The following RBFOX1 variants were observed in gnomAD, a reference collection of about 807,000 sequenced individuals.
The protein encoded by RBFOX1 is RNA binding fox-1 homolog 1.
In RBFOX1, 8 loss-of-function variants were observed where a neutral mutation model predicts 57.7. The ratio of observed to expected loss-of-function variants is 0.14; its 90% confidence interval spans 0.08 to 0.25. The LOEUF is 0.25. RBFOX1 is among the 10% of genes least tolerant of loss of function. The pLI, the probability that RBFOX1 is intolerant of heterozygous loss-of-function variation, is 1.00. For synonymous variants in RBFOX1, 326 were observed against 222.4 expected, an observed-to-expected ratio of 1.47 and a Z score of -4.15; for missense variants, 611 against 548.5, an observed-to-expected ratio of 1.11 and a Z score of -1.14.
intron 3 of RBFOX1, among the ~76,000 whole-genome samples, chr16:6,690,677 C>T (rs533475176): frequency 2.6e-5 from 4 of 151,808 alleles, no homozygotes; most frequent in African/African-American, 9.7e-5. Flanking sequence ...GATTATAGTA[C>T]AGTAGGAAGT....
intron 4 of RBFOX1, among the ~76,000 whole-genome samples, chr16:7,293,978 A>G (rs1256769367): frequency 6.6e-6 from 1 of 152,140 alleles, no homozygotes; most frequent in African/African-American, 2.4e-5. Flanking sequence ...GAAATGCTTA[A>G]TGACAACTCA....
At chr16:6,483,742 T>C in intron 2 of RBFOX1, 2 of 1,423,556 alleles carry the variant, frequency 1.4e-6, no homozygotes. Context: ...TGGCTGCCTG[T>C]GGCAGAGGAG....
At chr16:6,157,951 A>G (rs962803609) in intron 1 of RBFOX1, among the ~76,000 whole-genome samples, 2 of 152,170 alleles carry the variant, frequency 1.3e-5, no homozygotes, top group African/African-American at 2.4e-5. Context: ...GTTGATTCCT[A>G]AACTAATTAC....
chr16:5,241,610 T>A (rs1490471349), intron 1 of RBFOX1, among the ~76,000 whole-genome samples: 1 of 152,190 alleles, frequency 6.6e-6, no homozygotes, highest in Non-Finnish European at 1.5e-5. Context: ...AGCCTTACTG[T>A]CTTCAGTGGC....
intron 2 of RBFOX1, among the ~76,000 whole-genome samples, chr16:6,585,391 T>C (rs1255725805): frequency 6.6e-6 from 1 of 152,218 alleles, no homozygotes; most frequent in East Asian, 1.9e-4. Flanking sequence ...TTCTTGACTT[T>C]TACTTCGACT....
At chr16:6,214,198 C>T (rs149250097) in intron 1 of RBFOX1, among the ~76,000 whole-genome samples, 1 of 152,354 alleles carries the variant, frequency 6.6e-6, no homozygotes, top group Non-Finnish European at 1.5e-5. Flanking sequence ...CTCCATCTCT[C>T]TCATGTTTCC....
intron 2 of RBFOX1, among the ~76,000 whole-genome samples, chr16:6,465,595 G>A (rs1014961174): frequency 2.4e-5 from 3 of 127,172 alleles, no homozygotes; most frequent in Non-Finnish European, 4.8e-5. Context: ...TAGATGTATA[G>A]GGCTGTGTGT....
chr16:6,432,592 G>A (rs1362027073), intron 2 of RBFOX1, among the ~76,000 whole-genome samples: 1 of 152,034 alleles, frequency 6.6e-6, no homozygotes, highest in African/African-American at 2.4e-5. Context: ...TGAGGCACAA[G>A]AATTGCCTGA....
In RBFOX1 at chr16:7,711,705, T is replaced by C. The variant is rs1439435820; in HGVS notation, c.*960T>C. ...TCTGTGCAGTGGAGTTGTTAAGTTC[T>C]AGAAACAGTCTATGAAGCTTTAGTT... is the stretch of plus-strand genomic sequence containing the variant. On this transcript the variant is annotated 3_prime_UTR_variant, in exon 16 of 16. Transcript: ENST00000550418. 1 of 152,656 alleles carries C rather than the reference T, an allele frequency of 6.6e-6. No individual in the cohort carries two copies. The highest frequency in any genetic ancestry group is 1.5e-5 in the Non-Finnish European group (1 of 68,034). The allele number at this position is 152,656 out of a possible 1,614,324, so 9.5% of individuals were successfully genotyped here. A position where few individuals can be genotyped will look rare whatever the true frequency, so the allele number is the denominator to read the frequency against.
chr16:6,294,504 A>G (rs11867043), intron 1 of RBFOX1, among the ~76,000 whole-genome samples: 23,904 of 152,168 alleles, frequency 0.16, 2,069 homozygotes, highest in Non-Finnish European at 0.17. Context: ...TTTAGACCAA[A>G]CAGGCTTAGC....
chr16:7,118,213 A>G (rs1406284129), intron 4 of RBFOX1, among the ~76,000 whole-genome samples: 1 of 152,170 alleles, frequency 6.6e-6, no homozygotes, highest in African/African-American at 2.4e-5. Flanking sequence ...CCAGCAGCAT[A>G]TAAGAGTCCC....
At chr16:6,597,517 T>C (rs13333513) in intron 2 of RBFOX1, among the ~76,000 whole-genome samples, 10,221 of 151,786 alleles carry the variant, frequency 0.067, 1,179 homozygotes, top group African/African-American at 0.23. Flanking sequence ...ACTAAAAATA[T>C]AAAAAATTAG....
chr16:7,266,013 T>C lies in RBFOX1; in HGVS notation c.27+213915T>C, dbSNP rs778338912. On this transcript the variant is annotated intron_variant, in intron 4 of 15. Coordinates refer to ENST00000550418, the MANE Select transcript of RBFOX1 (RefSeq NM_018723.4). The stretch of plus-strand genomic sequence containing the variant: ...TTTCTGAGAGGGAGTCTTGCTGTGT[T>C]GCCCAGGCTGGAGTGCAGTGGCGCT... Among the ~76,000 whole-genome samples the C allele has an allele frequency of 1.3e-3, 180 of 137,376 alleles. 1 individual carries two copies. The highest frequency in any genetic ancestry group is 2.1e-3 in the Non-Finnish European group (139 of 64,778). 90.1% of individuals were successfully genotyped at this position (137,376 alleles called of 152,430 possible).
At chr16:5,957,251 G>C (rs1475355708) in intron 4 of RBFOX1, among the ~76,000 whole-genome samples, 1 of 152,018 alleles carries the variant, frequency 6.6e-6, no homozygotes, top group Non-Finnish European at 1.5e-5. Flanking sequence ...GTCTTGGTCT[G>C]TTGCCCAGGC....
rs2080132366 is a variant in RBFOX1 at position 6,779,829 on chromosome 16, TTTTATATATTTA to T, written c.-16+125181_-16+125192del. Among the ~76,000 whole-genome samples the T allele has an allele frequency of 1.5e-3, 6 of 3,902 alleles. 1 individual carries two copies. The highest frequency in any genetic ancestry group is 5.7e-3 in the Admixed American group (1 of 174). The allele number at this position is 3,902 out of a possible 152,430, so 2.6% of individuals were successfully genotyped here. ...TATTTATATATATATTTATATATAT[TTTTATATATTTA>T]TATATATATTTATATATATTTATAT... is the stretch of plus-strand genomic sequence containing the variant. On this transcript the variant is annotated intron_variant, in intron 3 of 15. Coordinates refer to ENST00000550418, the MANE Select transcript of RBFOX1 (RefSeq NM_018723.4).
rs62016215 is a variant in RBFOX1 at position 6,315,547 on chromosome 16, G to T, written c.-126-1448G>T. Among the ~76,000 whole-genome samples, 253 of 117,204 alleles carry T rather than the reference G, an allele frequency of 2.2e-3. No homozygotes were observed. In the East Asian group the frequency reaches 0.03, roughly 14 times the overall value. The allele number at this position is 117,204 out of a possible 152,430, so 76.9% of individuals were successfully genotyped here. On this transcript the variant is annotated intron_variant, in intron 1 of 15. Coordinates refer to ENST00000550418, the MANE Select transcript of RBFOX1 (RefSeq NM_018723.4). ...TGGGTGAGTACATGGATGGATGGAT[G>T]GATGGATGGATGGATGGATGGATGG... is the stretch of plus-strand genomic sequence containing the variant.
chr16:6,614,957 A>G (rs1259640913), intron 2 of RBFOX1, among the ~76,000 whole-genome samples: 1 of 152,246 alleles, frequency 6.6e-6, no homozygotes, highest in Non-Finnish European at 1.5e-5. Flanking sequence ...CTTTAAAAAT[A>G]TAGATGACTG....
chr16:7,633,193 C>T (rs1336903770), intron 11 of RBFOX1, among the ~76,000 whole-genome samples: 1 of 152,160 alleles, frequency 6.6e-6, no homozygotes, highest in Admixed American at 6.5e-5. Context: ...AACGTTTTAA[C>T]AGTCCGGCTC....
intron 4 of RBFOX1, among the ~76,000 whole-genome samples, chr16:7,215,939 G>A (rs1211798957): frequency 1.3e-5 from 2 of 152,022 alleles, no homozygotes; most frequent in Non-Finnish European, 2.9e-5. Flanking sequence ...TAGCCAGGAT[G>A]GTCTCGATTT....
Sources: allele counts gnomAD v4.1 joint callset (sites outside exome capture counted in the v4.1 genomes callset), GRCh38; gene constraint gnomAD v4.1.1; transcripts MANE v1.5; gene names NCBI Gene and HGNC (gene_info 2026-07-23, HGNC 2026-07-21).